Variants in SYNDIG1 observed in about 807,000 individuals in gnomAD.
SYNDIG1 encodes the protein synapse differentiation inducing 1.
A neutral mutation model predicts 19.4 loss-of-function variants in SYNDIG1; 9 were observed. The observed-to-expected ratio is 0.46, with a 90% CI of 0.28 to 0.81. SYNDIG1 has a LOEUF of 0.81. SYNDIG1 is among the 30% of genes least tolerant of loss of function. The pLI, the probability that SYNDIG1 is intolerant of heterozygous loss-of-function variation, is 0.12. For synonymous variants in SYNDIG1, 141 were observed against 145.9 expected, an observed-to-expected ratio of 0.97 and a Z score of 0.24; for missense variants, 311 against 343.3, an observed-to-expected ratio of 0.91 and a Z score of 0.74.
chr20:24,651,251 AG>A (rs1414509386), intron 3 of SYNDIG1, among the ~76,000 whole-genome samples: 1 of 152,252 alleles, frequency 6.6e-6, no homozygotes. Context: ...GATCCTTACC[AG>A]GGCCATTCCC....
At chr20:24,635,537 G>T (rs1474658287) in intron 3 of SYNDIG1, among the ~76,000 whole-genome samples, 6 of 152,078 alleles carry the variant, frequency 3.9e-5, no homozygotes, top group African/African-American at 1.4e-4. Context: ...GTGCTGGTTG[G>T]GTCTTGCCTC....
chr20:24,473,268 A>G (rs984789565), intron 1 of SYNDIG1, among the ~76,000 whole-genome samples: 1 of 152,172 alleles, frequency 6.6e-6, no homozygotes, highest in Non-Finnish European at 1.5e-5. Context: ...GGGGCAGTGC[A>G]CTGATAGAAG....
intron 2 of SYNDIG1, 38 bp from the exon 3 acceptor site, chr20:24,584,818 C>T (rs1402209922): frequency 1.9e-6 from 3 of 1,613,716 alleles, no homozygotes; most frequent in Admixed American, 3.3e-5. Flanking sequence ...CTTTATTAAT[C>T]TTCTCTCCTG....
chr20:24,665,371 A>T lies in SYNDIG1; in HGVS notation c.644A>T (p.Asp215Val). ...ACCAACAAAGCCGTGGCCAAGGGGG[A>T]CTTGCACCAGGCCAGCACCAGCTCC... ...HETNKAVAKG[D>V]LHQASTSSRR... Residue 215 changes from aspartate to valine, a missense_variant, in exon 4 of 4, where the codon GAC (aspartate) becomes GTC (valine). Transcript: ENST00000376862. 3.7e-6 allele frequency: 6 copies of T among 1,604,098 alleles called. No homozygotes were observed. Among genetic ancestry groups the T allele is most frequent in the Non-Finnish European group, 5.1e-6 (6 of 1,176,866 alleles).
chr20:24,517,368 C>T (rs953615136), intron 1 of SYNDIG1, among the ~76,000 whole-genome samples: 47 of 150,312 alleles, frequency 3.1e-4, no homozygotes, highest in African/African-American at 9.7e-4. Flanking sequence ...GTAATCCCAG[C>T]ACTTTGGGAG....
intron 1 of SYNDIG1, among the ~76,000 whole-genome samples, chr20:24,472,633 C>T (rs567757304): frequency 6.6e-6 from 1 of 152,308 alleles, no homozygotes; most frequent in South Asian, 2.1e-4. Context: ...CAGGTCACAC[C>T]TGCTCTGCCC....
chr20:24,556,030 T>C (rs536568545), intron 2 of SYNDIG1, among the ~76,000 whole-genome samples: 92 of 152,214 alleles, frequency 6.0e-4, no homozygotes, highest in Non-Finnish European at 1.1e-3. Flanking sequence ...TAGCTCTTCT[T>C]GTTGAATTGA....
At chr20:24,517,772 TAC>T (rs889313012) in intron 1 of SYNDIG1, among the ~76,000 whole-genome samples, 10 of 145,254 alleles carry the variant, frequency 6.9e-5, no homozygotes, top group African/African-American at 2.6e-4. Flanking sequence ...TATATATATA[TAC>T]ATACACACAT....
intron 2 of SYNDIG1, among the ~76,000 whole-genome samples, chr20:24,582,248 T>C (rs114440856): frequency 0.03 from 2,250 of 75,422 alleles, 102 homozygotes; most frequent in African/African-American, 0.12. Flanking sequence ...TGCACATCCT[T>C]CCCCCCTTCA....
At chr20:24,544,698 G>A (rs2057539734) in intron 2 of SYNDIG1, among the ~76,000 whole-genome samples, 1 of 152,164 alleles carries the variant, frequency 6.6e-6, no homozygotes, top group South Asian at 2.1e-4. Context: ...GCTCTGGGTT[G>A]AAGAGGAAGA....
intron 3 of SYNDIG1, among the ~76,000 whole-genome samples, chr20:24,600,493 C>G (rs1033724774): frequency 2.1e-4 from 32 of 152,136 alleles, no homozygotes; most frequent in Non-Finnish European, 3.4e-4. Flanking sequence ...GCCCTTCCTC[C>G]CCACCCAGTG....
chr20:24,595,744 T>C (rs1367868006), intron 3 of SYNDIG1, among the ~76,000 whole-genome samples: 1 of 152,210 alleles, frequency 6.6e-6, no homozygotes, highest in Non-Finnish European at 1.5e-5. Flanking sequence ...CAGCAATGTA[T>C]CCATTTCTTC....
At position 24,621,581 on chromosome 20, in the gene SYNDIG1, A is replaced by T. The variant is rs2147234826; in HGVS notation, c.618+36588A>T. Among the ~76,000 whole-genome samples the T allele has an allele frequency of 1.3e-5, 2 of 152,280 alleles. 1 individual carries two copies. The highest frequency in any genetic ancestry group is 4.2e-4 in the South Asian group (2 of 4,816). On this transcript the variant is annotated intron_variant, in intron 3 of 3. Transcript: ENST00000376862. ...CTGTATTAGTATCTGAAGCAGTGGC[A>T]TCCTTTTTTTGGGGGAAAACTCTAC...
chr20:24,473,431 T>G (rs2035703621), intron 1 of SYNDIG1, among the ~76,000 whole-genome samples: 1 of 152,128 alleles, frequency 6.6e-6, no homozygotes, highest in South Asian at 2.1e-4. Flanking sequence ...GGCAGGAGGT[T>G]TGAACAAATG....
chr20:24,605,222 C>G (rs1345291898), intron 3 of SYNDIG1, among the ~76,000 whole-genome samples: 1 of 152,182 alleles, frequency 6.6e-6, no homozygotes, highest in African/African-American at 2.4e-5. Context: ...ATCTACCTCC[C>G]TGGGTGAGTG....
chr20:24,582,492 C>G (rs2058346883), intron 2 of SYNDIG1, among the ~76,000 whole-genome samples: 1 of 148,780 alleles, frequency 6.7e-6, no homozygotes, highest in Non-Finnish European at 1.5e-5. Flanking sequence ...GTCCTCACCC[C>G]TGCACATCCT....
At chr20:24,484,709 A>G (rs757634871) in intron 1 of SYNDIG1, among the ~76,000 whole-genome samples, 38 of 152,226 alleles carry the variant, frequency 2.5e-4, no homozygotes, top group Non-Finnish European at 4.3e-4. Flanking sequence ...CCTACACACA[A>G]TAGGTCTTTA....
chr20:24,482,844 G>A (rs2055836729), intron 1 of SYNDIG1, among the ~76,000 whole-genome samples: 1 of 152,180 alleles, frequency 6.6e-6, no homozygotes, highest in Non-Finnish European at 1.5e-5. Context: ...GAACATTTGT[G>A]TGAATATGTT....
chr20:24,657,697 G>T (rs981620815), intron 3 of SYNDIG1, among the ~76,000 whole-genome samples: 27 of 152,120 alleles, frequency 1.8e-4, no homozygotes, highest in Non-Finnish European at 3.5e-4. Context: ...TGCCTGAGAA[G>T]CCTCCCGTTC....
Sources: allele counts gnomAD v4.1 joint callset (sites outside exome capture counted in the v4.1 genomes callset), GRCh38; gene constraint gnomAD v4.1.1; transcripts MANE v1.5; gene names NCBI Gene and HGNC (gene_info 2026-07-23, HGNC 2026-07-21).